ADAMTS6: variants seen among roughly 807,000 people sequenced by gnomAD.
ADAMTS6 encodes A disintegrin and metalloproteinase with thrombospondin motifs 6.
In ADAMTS6, 23 loss-of-function variants were observed where a neutral mutation model predicts 144.3. The ratio of observed to expected loss-of-function variants is 0.16; its 90% CI spans 0.11 to 0.23. The LOEUF (loss-of-function observed/expected upper bound fraction) is 0.23. ADAMTS6 is among the 10% of genes least tolerant of loss of function. The probability of loss-of-function intolerance (pLI) is 1.00; values close to 1 mark genes in which losing one functional copy is unlikely to be tolerated. For missense variants in ADAMTS6, 999 were observed against 1,379.6 expected (o/e 0.72, Z 4.37); for synonymous variants, 444 against 457.5 (o/e 0.97, Z 0.38).
At chr5:65,384,543 T>C (rs1752326182) in intron 7 of ADAMTS6, among the ~76,000 whole-genome samples, 2 of 152,310 alleles carry the variant, frequency 1.3e-5, no homozygotes, top group South Asian at 4.1e-4. Flanking sequence ...CTCATTTCCA[T>C]GGGAGACCTC....
chr5:65,269,790 C>CCTTTTTTTTTTT (rs1561355788), intron 12 of ADAMTS6, among the ~76,000 whole-genome samples: 1 of 133,214 alleles, frequency 7.5e-6, no homozygotes, highest in Non-Finnish European at 1.6e-5. Flanking sequence ...AGTGTAAGTA[C>CCTTTTTTTTTTT]TTTTTTTTTT....
intron 15 of ADAMTS6, among the ~76,000 whole-genome samples, chr5:65,230,289 TATATATATATATATATATATATGAA>T (rs1758052788): frequency 7.2e-4 from 1 of 1,386 alleles, no homozygotes. Context: ...ACCTAAAGCA[TATATATATATATATATATATATGAA>T]ATATATATAA....
chr5:65,325,270 G>T (rs180940849), intron 9 of ADAMTS6, among the ~76,000 whole-genome samples: 2 of 152,146 alleles, frequency 1.3e-5, no homozygotes, highest in East Asian at 3.9e-4. Flanking sequence ...TATACAGAAT[G>T]GGTGCATTTT....
intron 13 of ADAMTS6, 54 bp from the exon 14 acceptor site, chr5:65,260,717 G>A (rs1761123352): frequency 8.1e-6 from 11 of 1,363,958 alleles, no homozygotes; most frequent in African/African-American, 1.4e-5. Context: ...TCCATACAAA[G>A]AGTATATATA....
At chr5:65,267,754 C>T (rs969020850) in intron 12 of ADAMTS6, among the ~76,000 whole-genome samples, 1 of 151,850 alleles carries the variant, frequency 6.6e-6, no homozygotes, top group Non-Finnish European at 1.5e-5. Context: ...TTTTAATATC[C>T]AGTACTGGGT....
chr5:65,458,258 A>G (rs2150260402), intron 4 of ADAMTS6, among the ~76,000 whole-genome samples: 1 of 152,326 alleles, frequency 6.6e-6, no homozygotes, highest in East Asian at 1.9e-4. Context: ...CCTAATTAAC[A>G]GCCTCAGAGA....
At position 65,473,768 on chromosome 5, in the gene ADAMTS6, A is replaced by G; in HGVS notation, c.-95T>C. 1.0e-6 allele frequency: 1 copy of G among 961,150 alleles called. No individual in the cohort carries two copies. The allele number at this position is 961,150 out of a possible 1,614,324, so 59.5% of individuals were successfully genotyped here. ...GAAGCATAACAATTTTATTTCTTTA[A>G]AACTTCTTGCAAATTAGTTATTGGA... On this transcript the variant is annotated 5_prime_UTR_variant, in exon 2 of 25. Coordinates refer to ENST00000381055, the MANE Select transcript of ADAMTS6 (RefSeq NM_197941.4).
At chr5:65,300,157 A>C in intron 9 of ADAMTS6, 26 bp from the exon 10 acceptor site, 1 of 1,596,702 alleles carries the variant, frequency 6.3e-7, no homozygotes. Flanking sequence ...AGAAACATAG[A>C]ATAAATAAAT....
At chr5:65,263,200 A>C (rs76321294) in intron 12 of ADAMTS6, among the ~76,000 whole-genome samples, 1 of 152,218 alleles carries the variant, frequency 6.6e-6, no homozygotes, top group Non-Finnish European at 1.5e-5. Flanking sequence ...TCTAAAAAAA[A>C]GTCACATTGC....
At chr5:65,308,940 G>A (rs1744209850) in intron 9 of ADAMTS6, among the ~76,000 whole-genome samples, 1 of 152,064 alleles carries the variant, frequency 6.6e-6, no homozygotes, top group Non-Finnish European at 1.5e-5. Flanking sequence ...TATGATATTG[G>A]CAACCTTTTC....
chr5:65,397,025 G>A (rs1753400247), intron 7 of ADAMTS6, among the ~76,000 whole-genome samples: 1 of 152,146 alleles, frequency 6.6e-6, no homozygotes, highest in African/African-American at 2.4e-5. Flanking sequence ...TAGCTAAAAG[G>A]TCTATTCAGA....
At chr5:65,267,824 T>C (rs1761742577) in intron 12 of ADAMTS6, among the ~76,000 whole-genome samples, 1 of 152,142 alleles carries the variant, frequency 6.6e-6, no homozygotes, top group Non-Finnish European at 1.5e-5. Flanking sequence ...CAGGAAGTAA[T>C]ATTAGTGATT....
chr5:65,265,088 A>G (rs1561350094), intron 12 of ADAMTS6, among the ~76,000 whole-genome samples: 1 of 152,064 alleles, frequency 6.6e-6, no homozygotes, highest in Non-Finnish European at 1.5e-5. Context: ...CTGAGCAATT[A>G]TTTGTCTATA....
At chr5:65,163,620 G>A (rs1403424781) in intron 24 of ADAMTS6, among the ~76,000 whole-genome samples, 1 of 152,160 alleles carries the variant, frequency 6.6e-6, no homozygotes, top group African/African-American at 2.4e-5. Flanking sequence ...AAAAGAAAGA[G>A]ATCTCTCTTG....
At chr5:65,274,444 C>T (rs77294113) in intron 11 of ADAMTS6, among the ~76,000 whole-genome samples, 1 of 152,040 alleles carries the variant, frequency 6.6e-6, no homozygotes, top group African/African-American at 2.4e-5. Flanking sequence ...ACTAACATCA[C>T]ATTTAATCCT....
chr5:65,337,055 C>T (rs1476242304), intron 7 of ADAMTS6, among the ~76,000 whole-genome samples: 1 of 152,048 alleles, frequency 6.6e-6, no homozygotes, highest in Admixed American at 6.6e-5. Flanking sequence ...AAAAAGTACA[C>T]CATCTTATCC....
At chr5:65,157,427 C>G (rs570103495) in intron 24 of ADAMTS6, among the ~76,000 whole-genome samples, 1 of 152,298 alleles carries the variant, frequency 6.6e-6, no homozygotes, top group South Asian at 2.1e-4. Flanking sequence ...TCCTCAAATG[C>G]AGGGCTTTTG....
intron 7 of ADAMTS6, among the ~76,000 whole-genome samples, chr5:65,393,440 A>C (rs1257500680): frequency 6.6e-6 from 1 of 152,202 alleles, no homozygotes; most frequent in Admixed American, 6.5e-5. Flanking sequence ...ACTATGACCT[A>C]GCTCTCATCA....
At chr5:65,257,519 T>C (rs1291742642) in intron 14 of ADAMTS6, among the ~76,000 whole-genome samples, 1 of 152,184 alleles carries the variant, frequency 6.6e-6, no homozygotes, top group Non-Finnish European at 1.5e-5. Flanking sequence ...AGCCCATGGC[T>C]CAGCACTTCA....
Sources: allele counts gnomAD v4.1 joint callset (sites outside exome capture counted in the v4.1 genomes callset), GRCh38; gene constraint gnomAD v4.1.1; transcripts MANE v1.5; gene names NCBI Gene and HGNC (gene_info 2026-07-23, HGNC 2026-07-21).